KIF16B: variants seen among roughly 807,000 people sequenced by gnomAD.
The protein encoded by KIF16B is kinesin family member 16B, also known as kinesin-like protein KIF16B.
Under a neutral mutation model 156.3 loss-of-function variants are expected in KIF16B, and 98 were observed. That is an observed-to-expected ratio of 0.63 (90% CI 0.53 to 0.74). The LOEUF (loss-of-function observed/expected upper bound fraction) is 0.74, where lower values mean the gene tolerates loss of function less well. KIF16B is among the 30% of genes least tolerant of loss of function. The pLI, the probability that KIF16B is intolerant of heterozygous loss-of-function variation, is 0.00. For missense variants in KIF16B, 1,421 were observed against 1,606.5 expected (o/e 0.88, Z 1.97); for synonymous variants, 564 against 583.7 (o/e 0.97, Z 0.49).
chr20:16,435,636 C>T (rs772691491), intron 12 of KIF16B, among the ~76,000 whole-genome samples: 5 of 152,182 alleles, frequency 3.3e-5, no homozygotes, highest in East Asian at 1.9e-4. Flanking sequence ...ATTTGTTGAC[C>T]GTCTACTTCA....
At chr20:16,475,678 G>A (rs1305183861) in intron 12 of KIF16B, among the ~76,000 whole-genome samples, 1 of 152,176 alleles carries the variant, frequency 6.6e-6, no homozygotes, top group East Asian at 1.9e-4. Context: ...AACTTCCACA[G>A]TTGAAGATGA....
At chr20:16,319,538 A>G (rs1442399244) in intron 24 of KIF16B, among the ~76,000 whole-genome samples, 1 of 152,196 alleles carries the variant, frequency 6.6e-6, no homozygotes, top group East Asian at 1.9e-4. Flanking sequence ...CTGCCCTCAG[A>G]CTGCAGAGAC....
At chr20:16,469,973 C>T (rs1252880668) in intron 12 of KIF16B, among the ~76,000 whole-genome samples, 1 of 151,980 alleles carries the variant, frequency 6.6e-6, no homozygotes, top group African/African-American at 2.4e-5. Context: ...AAAAGGGTGG[C>T]ACATCCAAAC....
chr20:16,461,067 CT>C (rs1362548406), intron 12 of KIF16B, among the ~76,000 whole-genome samples: 1 of 151,760 alleles, frequency 6.6e-6, no homozygotes, highest in East Asian at 1.9e-4. Flanking sequence ...CTAAAATAAA[CT>C]TTTTAAAATA....
At chr20:16,329,152 C>A (rs1445204127) in intron 24 of KIF16B, among the ~76,000 whole-genome samples, 2 of 152,118 alleles carry the variant, frequency 1.3e-5, no homozygotes, top group African/African-American at 4.8e-5. Context: ...GACCAGTCAT[C>A]CAAAAAGCTA....
At chr20:16,389,536 T>G (rs191759985) in intron 17 of KIF16B, among the ~76,000 whole-genome samples, 6 of 152,274 alleles carry the variant, frequency 3.9e-5, no homozygotes, top group Non-Finnish European at 7.4e-5. Flanking sequence ...TTCAATGGTT[T>G]AGACAAAAAA....
rs376424532 is a variant in KIF16B at position 16,446,875 on chromosome 20, C to T, written c.1303-16893G>A. Among the ~76,000 whole-genome samples the T allele has an allele frequency of 5.9e-4, 90 of 152,142 alleles. No homozygotes were observed. In the Middle Eastern group the frequency reaches 0.02, roughly 34 times the overall value. Reference sequence around the variant, plus strand: ...AATGCTCCTACACAAAACTTGCAGGCAAATTTGAAAAAATACTTGGACTCA... The same window carrying T: ...AATGCTCCTACACAAAACTTGCAGGTAAATTTGAAAAAATACTTGGACTCA... On this transcript the variant is annotated intron_variant, in intron 12 of 25. Coordinates refer to ENST00000354981, the MANE Select transcript of KIF16B (RefSeq NM_024704.5).
At chr20:16,551,157 G>C (rs1273684246) in intron 1 of KIF16B, among the ~76,000 whole-genome samples, 1 of 138,402 alleles carries the variant, frequency 7.2e-6, no homozygotes, top group Non-Finnish European at 1.6e-5. Flanking sequence ...TTGAGATGCA[G>C]TTTTGCTCTT....
chr20:16,500,641 C>T (rs1019256114), intron 10 of KIF16B, among the ~76,000 whole-genome samples: 2 of 151,954 alleles, frequency 1.3e-5, no homozygotes, highest in African/African-American at 4.8e-5. Flanking sequence ...CACCCTTTGT[C>T]GTGATAAAGT....
At chr20:16,427,784 C>G (rs2066395237) in intron 14 of KIF16B, among the ~76,000 whole-genome samples, 1 of 152,068 alleles carries the variant, frequency 6.6e-6, no homozygotes, top group Admixed American at 6.6e-5. Context: ...GTTGCCTGAG[C>G]CTGTGTCAAT....
At chr20:16,431,689 C>G (rs1184330383) in intron 12 of KIF16B, among the ~76,000 whole-genome samples, 1 of 151,918 alleles carries the variant, frequency 6.6e-6, no homozygotes. Flanking sequence ...GTTCTGACAA[C>G]CAAAAATGTC....
chr20:16,366,713 T>A, intron 22 of KIF16B: 1 of 407,678 alleles, frequency 2.5e-6, no homozygotes, highest in Non-Finnish European at 3.3e-6. Context: ...TAATCACAGC[T>A]GAAACCAAGG....
intron 25 of KIF16B, among the ~76,000 whole-genome samples, chr20:16,304,700 A>G (rs1207490135): frequency 6.6e-6 from 1 of 152,242 alleles, no homozygotes; most frequent in Non-Finnish European, 1.5e-5. Flanking sequence ...TGAAAAGAAC[A>G]TTAAATGTAG....
intron 15 of KIF16B, among the ~76,000 whole-genome samples, chr20:16,426,288 A>G (rs1257100640): frequency 6.6e-6 from 1 of 152,178 alleles, no homozygotes; most frequent in Non-Finnish European, 1.5e-5. Flanking sequence ...GAGCCAAACC[A>G]TATCAACAGG....
In KIF16B at chr20:16,526,125, A is replaced by G. The variant is rs750781400; in HGVS notation, c.198T>C (p.Asp66=). The part of the protein sequence containing the change: ...FTYDFSFYSA[D]TKSPDYVSQE... ...GTGAAACGTAATCTGGGCTTTTTGT[A>G]TCAGCAGAATAAAAAGAAAAGTCAT... The change falls in exon 3 of 26, where the codon GAT becomes GAC. Residue 66 remains aspartate (D), a synonymous_variant. Coordinates refer to ENST00000354981, the MANE Select transcript of KIF16B (RefSeq NM_024704.5). 2.5e-6 allele frequency: 4 copies of G among 1,604,652 alleles called. No individual in the cohort carries two copies. Among genetic ancestry groups the G allele is most frequent in the Admixed American group, 3.4e-5 (2 of 59,274 alleles).
chr20:16,421,311 G>GT (rs775189843), intron 15 of KIF16B, among the ~76,000 whole-genome samples: 1 of 152,060 alleles, frequency 6.6e-6, no homozygotes, highest in Non-Finnish European at 1.5e-5. Context: ...TTCATATGCT[G>GT]TTTTTTTCCT....
chr20:16,289,031 C>T (rs1276404186), intron 25 of KIF16B, among the ~76,000 whole-genome samples: 1 of 151,986 alleles, frequency 6.6e-6, no homozygotes, highest in Non-Finnish European at 1.5e-5. Flanking sequence ...GTCGAAAGTG[C>T]ATTTAATACA....
chr20:16,539,475 T>C lies in KIF16B; in HGVS notation c.48-11035A>G, dbSNP rs531804526. On this transcript the variant is annotated intron_variant, in intron 1 of 25. Transcript: ENST00000354981. ...GAGTTTAAACTTGAGCGTGATGACC[T>C]AGGGATCTGGCAGAGAAAATTTCTA... is the stretch of plus-strand genomic sequence containing the variant. Among the ~76,000 whole-genome samples, 7 of 152,292 alleles carry C rather than the reference T, an allele frequency of 4.6e-5. No homozygotes were observed. The East Asian group carries it at 1.2e-3, about 25-fold the overall frequency.
intron 14 of KIF16B, among the ~76,000 whole-genome samples, chr20:16,428,205 T>C (rs2066407792): frequency 6.6e-6 from 1 of 152,200 alleles, no homozygotes; most frequent in South Asian, 2.1e-4. Context: ...CTGTGGTTTT[T>C]GCCATTACTG....
Sources: allele counts gnomAD v4.1 joint callset (sites outside exome capture counted in the v4.1 genomes callset), GRCh38; gene constraint gnomAD v4.1.1; transcripts MANE v1.5; gene names NCBI Gene and HGNC (gene_info 2026-07-23, HGNC 2026-07-21).